Variants in SLC25A21 observed in about 807,000 individuals in gnomAD.
SLC25A21 encodes the protein mitochondrial 2-oxodicarboxylate carrier.
A neutral mutation model predicts 43.8 loss-of-function variants in SLC25A21; 47 were observed. The observed-to-expected ratio is 1.07, with a 90% CI of 0.85 to 1.37. The LOEUF is 1.37. Among genes scored for constraint, SLC25A21 ranks in the 40% most tolerant of loss-of-function variants. SLC25A21 has a pLI of 0.00. For synonymous variants in SLC25A21, 131 were observed against 121.3 expected (o/e 1.08, Z -0.52); for missense variants, 352 against 350.2 (o/e 1.00, Z -0.04).
chr14:37,071,591 A>G (rs1039585574), intron 1 of SLC25A21, among the ~76,000 whole-genome samples: 3 of 152,224 alleles, frequency 2.0e-5, no homozygotes, highest in African/African-American at 7.2e-5. Context: ...AAATAAGACA[A>G]AATCTATTTG....
At position 36,995,012 on chromosome 14, in the gene SLC25A21, G is replaced by A. The variant is rs75088305; in HGVS notation, c.71-120008C>T. Reference sequence around the variant, plus strand: ...AGCAAATGACTGAAATTCTCTTTCCGTTTTCCCTGATCCTGGGTCAACTGG... The same window carrying A: ...AGCAAATGACTGAAATTCTCTTTCCATTTTCCCTGATCCTGGGTCAACTGG... On this transcript the variant is annotated intron_variant, in intron 1 of 9. Transcript: ENST00000331299. Among the ~76,000 whole-genome samples the A allele has an allele frequency of 0.016, 2,400 of 152,112 alleles. 175 individuals carry two copies. The East Asian group carries it at 0.24, about 15-fold the overall frequency.
At chr14:36,912,841 A>AT (rs1891730210) in intron 1 of SLC25A21, among the ~76,000 whole-genome samples, 1 of 152,056 alleles carries the variant, frequency 6.6e-6, no homozygotes, top group African/African-American at 2.4e-5. Flanking sequence ...TTCAATTCTT[A>AT]TTTTCTACCA....
intron 1 of SLC25A21, among the ~76,000 whole-genome samples, chr14:37,122,477 A>G (rs1372966588): frequency 6.6e-6 from 1 of 152,190 alleles, no homozygotes; most frequent in East Asian, 1.9e-4. Context: ...GACTCAATTA[A>G]TTACTTCTGT....
chr14:36,765,932 A>C (rs1336596762), intron 3 of SLC25A21, among the ~76,000 whole-genome samples: 1 of 151,894 alleles, frequency 6.6e-6, no homozygotes, highest in Non-Finnish European at 1.5e-5. Context: ...AAACTCAAAG[A>C]CTCTTTTCCC....
chr14:37,092,846 T>C (rs1349125700), intron 1 of SLC25A21, among the ~76,000 whole-genome samples: 1 of 152,090 alleles, frequency 6.6e-6, no homozygotes, highest in South Asian at 2.1e-4. Flanking sequence ...GAGGTTCTGT[T>C]TTTCTTGTAC....
intron 2 of SLC25A21, among the ~76,000 whole-genome samples, chr14:36,834,830 TA>T (rs1007628250): frequency 2.6e-5 from 4 of 151,524 alleles, no homozygotes; most frequent in African/African-American, 7.3e-5. Context: ...CAAGTGACAT[TA>T]AAAAAAAATC....
chr14:36,760,854 G>T (rs2139277986), intron 3 of SLC25A21, among the ~76,000 whole-genome samples: 1 of 151,842 alleles, frequency 6.6e-6, no homozygotes, highest in Non-Finnish European at 1.5e-5. Context: ...GAAAGAGGTA[G>T]GGAGAAAAGG....
chr14:37,049,717 C>T (rs937939865), intron 1 of SLC25A21, among the ~76,000 whole-genome samples: 1 of 151,884 alleles, frequency 6.6e-6, no homozygotes, highest in Non-Finnish European at 1.5e-5. Context: ...AGTAGCCACA[C>T]TAAAAAAAGA....
At chr14:37,148,129 C>A (rs1218932650) in intron 1 of SLC25A21, among the ~76,000 whole-genome samples, 1 of 152,050 alleles carries the variant, frequency 6.6e-6, no homozygotes, top group Non-Finnish European at 1.5e-5. Context: ...TGAGCCACCA[C>A]CCCCAGCCCT....
intron 1 of SLC25A21, among the ~76,000 whole-genome samples, chr14:37,026,851 G>A (rs189110585): frequency 3.8e-4 from 58 of 152,200 alleles, no homozygotes; most frequent in African/African-American, 1.3e-3. Flanking sequence ...TAGTTGTCCC[G>A]TGTGTGGCTA....
At chr14:36,800,765 T>TA (rs965865317) in intron 3 of SLC25A21, among the ~76,000 whole-genome samples, 53 of 151,754 alleles carry the variant, frequency 3.5e-4, no homozygotes, top group Non-Finnish European at 5.3e-4. Context: ...CAAGTAAAAA[T>TA]AAAAAAAAAT....
At chr14:37,133,984 T>C (rs1442505501) in intron 1 of SLC25A21, among the ~76,000 whole-genome samples, 3 of 152,076 alleles carry the variant, frequency 2.0e-5, no homozygotes, top group African/African-American at 7.2e-5. Flanking sequence ...ACTCAGTAAC[T>C]GGCAACTGGA....
At chr14:36,725,497 A>C (rs955186724) in intron 6 of SLC25A21, 73 bp downstream of exon 6, 50 of 446,066 alleles carry the variant, frequency 1.1e-4, no homozygotes, top group Non-Finnish European at 1.7e-4. Flanking sequence ...ATAAATAAAT[A>C]AATAAATAAA....
chr14:37,043,215 A>G (rs759384230), intron 1 of SLC25A21, among the ~76,000 whole-genome samples: 1 of 152,124 alleles, frequency 6.6e-6, no homozygotes, highest in Non-Finnish European at 1.5e-5. Flanking sequence ...CCTCTATACA[A>G]ATGTACAGCT....
At chr14:36,759,916 C>A (rs569701552) in intron 3 of SLC25A21, among the ~76,000 whole-genome samples, 2 of 151,988 alleles carry the variant, frequency 1.3e-5, no homozygotes, top group Admixed American at 1.3e-4. Flanking sequence ...TGCAGTGAGC[C>A]GAGATCACGT....
chr14:36,702,688 A>G (rs189809946), intron 7 of SLC25A21, among the ~76,000 whole-genome samples: 1 of 152,160 alleles, frequency 6.6e-6, no homozygotes. Flanking sequence ...CCTCTATTAG[A>G]CTGTAAACGT....
At chr14:37,137,139 A>G (rs1396418758) in intron 1 of SLC25A21, among the ~76,000 whole-genome samples, 1 of 152,142 alleles carries the variant, frequency 6.6e-6, no homozygotes, top group African/African-American at 2.4e-5. Context: ...CTGGGACTAC[A>G]GGCGCCCGCC....
chr14:36,991,154 C>A (rs892358832), intron 1 of SLC25A21, among the ~76,000 whole-genome samples: 10 of 152,146 alleles, frequency 6.6e-5, no homozygotes, highest in African/African-American at 2.4e-4. Context: ...CATCACACAC[C>A]TGACTGCTTT....
chr14:37,022,933 T>C (rs1277465688), intron 1 of SLC25A21, among the ~76,000 whole-genome samples: 2 of 152,034 alleles, frequency 1.3e-5, no homozygotes, highest in Admixed American at 1.3e-4. Context: ...ATTATTTAAC[T>C]GAAGGAGGTT....
Sources: allele counts gnomAD v4.1 joint callset (sites outside exome capture counted in the v4.1 genomes callset), GRCh38; gene constraint gnomAD v4.1.1; transcripts MANE v1.5; gene names NCBI Gene and HGNC (gene_info 2026-07-23, HGNC 2026-07-21).